Variants in FOXN1 observed in about 807,000 individuals in gnomAD.
The protein encoded by FOXN1 is forkhead box protein N1.
In FOXN1, 15 loss-of-function variants were observed where a neutral mutation model predicts 49.0. The observed-to-expected ratio is 0.31, with a 90% confidence interval of 0.20 to 0.47. FOXN1 has a LOEUF of 0.47. FOXN1 is among the 20% of genes least tolerant of loss of function. The probability of loss-of-function intolerance (pLI) is 1.00; values close to 1 mark genes in which losing one functional copy is unlikely to be tolerated. For synonymous variants in FOXN1, 356 were observed against 369.0 expected (o/e 0.96, Z 0.40); for missense variants, 800 against 842.8 (o/e 0.95, Z 0.63).
At chr17:28,506,703 G>A (rs1208759627) in intron 1 of FOXN1, among the ~76,000 whole-genome samples, 1 of 152,220 alleles carries the variant, frequency 6.6e-6, no homozygotes, top group African/African-American at 2.4e-5. Flanking sequence ...ATTCTGGTGT[G>A]TGCTGGATTT....
chr17:28,522,727 A>G (rs1045867303), intron 1 of FOXN1, among the ~76,000 whole-genome samples: 4 of 151,996 alleles, frequency 2.6e-5, no homozygotes, highest in Non-Finnish European at 5.9e-5. Context: ...AGTCCCAGCT[A>G]CTCTTGAGGC....
At chr17:28,533,250 C>T (rs892683616) in intron 6 of FOXN1, among the ~76,000 whole-genome samples, 2 of 152,148 alleles carry the variant, frequency 1.3e-5, no homozygotes, top group East Asian at 3.9e-4. Flanking sequence ...GGCGAAGGAG[C>T]CCCACCGGCC....
At position 28,524,647 on chromosome 17, in the gene FOXN1, C is replaced by T; in HGVS notation, c.268C>T (p.Pro90Ser). ...GHCPAGPGPGPFRLSPSDKYP... is the reference protein window; with the variant it reads ...GHCPAGPGPGSFRLSPSDKYP... ...CTGCCCAGCCGGCCCCGGCCCTGGG[C>T]CCTTCAGGCTCTCACCCTCAGACAA... Residue 90 changes from proline to serine, a missense_variant, in exon 3 of 9, where the codon CCC (proline) becomes TCC (serine). This residue lies in a region of FOXN1 where 383 missense variants were observed against 357.9 expected (regional missense o/e 1.07). Coordinates refer to ENST00000579795, the MANE Select transcript of FOXN1 (RefSeq NM_001369369.1). 6.2e-7 allele frequency: 1 copy of T among 1,613,708 alleles called. No homozygotes were observed. Among genetic ancestry groups the T allele is most frequent in the Non-Finnish European group, 8.5e-7 (1 of 1,179,956 alleles).
Position 28,516,110 on chromosome 17 carries a change from AC to A in FOXN1, c.-14-7845del, listed in dbSNP as rs200427651. 1.2e-3 allele frequency among the ~76,000 whole-genome samples: 182 copies of A among 149,840 alleles called. 1 individual carries two copies. In the East Asian group the frequency reaches 0.031, roughly 26 times the overall value. On this transcript the variant is annotated intron_variant, in intron 1 of 8. Coordinates refer to ENST00000579795, the MANE Select transcript of FOXN1 (RefSeq NM_001369369.1). ...CACAGGGTACACATCTCCACAGGGT[AC>A]ACACCTCCACAGGATCCTTACATCC...
At chr17:28,516,080 ACCTCC>A (rs1183199303) in intron 1 of FOXN1, among the ~76,000 whole-genome samples, 1 of 149,092 alleles carries the variant, frequency 6.7e-6, no homozygotes, top group African/African-American at 2.5e-5. Context: ...CAGGATCCAT[ACCTCC>A]ACAGGGTACA....
intron 6 of FOXN1, among the ~76,000 whole-genome samples, chr17:28,533,013 C>T (rs2069951185): frequency 6.6e-6 from 1 of 152,136 alleles, no homozygotes; most frequent in African/African-American, 2.4e-5. Context: ...ACCCTGGGAG[C>T]CTTAGGGGTC....
intron 1 of FOXN1, 66 bp from the exon 2 acceptor site, chr17:28,523,890 G>A: frequency 6.4e-7 from 1 of 1,553,164 alleles, no homozygotes; most frequent in Non-Finnish European, 8.9e-7. Context: ...GGGTGGAGGT[G>A]GCGAACCTGG....
intron 1 of FOXN1, among the ~76,000 whole-genome samples, chr17:28,521,558 C>T (rs1261172827): frequency 2.0e-5 from 3 of 152,246 alleles, no homozygotes; most frequent in East Asian, 1.9e-4. Flanking sequence ...TGTGGTGTCC[C>T]GTTACGGCCA....
rs1244665404 is a variant in FOXN1, at chr17:28,524,654, G to A, written c.275G>A (p.Arg92Lys). ...CPAGPGPGPFRLSPSDKYPGF... is the reference protein window; with the variant it reads ...CPAGPGPGPFKLSPSDKYPGF... Reference sequence around the variant, plus strand: ...GCCGGCCCCGGCCCTGGGCCCTTCAGGCTCTCACCCTCAGACAAGTATCCT... The same window carrying A: ...GCCGGCCCCGGCCCTGGGCCCTTCAAGCTCTCACCCTCAGACAAGTATCCT... Residue 92 changes from arginine (R) to lysine (K), a missense_variant, in exon 3 of 9, where the codon AGG becomes AAG. Transcript: ENST00000579795. 6.2e-7 allele frequency: 1 copy of A among 1,613,584 alleles called. No homozygotes were observed. The highest frequency in any genetic ancestry group is 2.2e-5 in the East Asian group (1 of 44,892).
chr17:28,531,343 C>A (rs139860068), intron 6 of FOXN1, among the ~76,000 whole-genome samples: 2 of 152,128 alleles, frequency 1.3e-5, no homozygotes, highest in East Asian at 3.9e-4. Context: ...TGCCAGAAAG[C>A]GGGGTGTGGG....
intron 8 of FOXN1, among the ~76,000 whole-genome samples, chr17:28,536,864 G>A (rs2070076941): frequency 6.6e-6 from 1 of 151,530 alleles, no homozygotes; most frequent in South Asian, 2.1e-4. Flanking sequence ...CCTCCCCAAT[G>A]CCCACCCCCC....
chr17:28,510,010 G>A (rs1468800268), intron 1 of FOXN1, among the ~76,000 whole-genome samples: 1 of 152,148 alleles, frequency 6.6e-6, no homozygotes, highest in Non-Finnish European at 1.5e-5. Flanking sequence ...CTTGACTGGA[G>A]AGCCAGCTGT....
chr17:28,521,398 C>T (rs2069637548), intron 1 of FOXN1, among the ~76,000 whole-genome samples: 4 of 152,222 alleles, frequency 2.6e-5, no homozygotes, highest in Admixed American at 2.6e-4. Flanking sequence ...CCCCCTGCAC[C>T]ACCTCCTGAG....
chr17:28,514,773 C>T (rs1185290179), intron 1 of FOXN1, among the ~76,000 whole-genome samples: 1 of 152,242 alleles, frequency 6.6e-6, no homozygotes, highest in Middle Eastern at 3.4e-3. Context: ...CAGCAGGGAG[C>T]GTGAAGAGAG....
At chr17:28,529,258 A>G in intron 5 of FOXN1, 34 bp downstream of exon 5, 1 of 1,613,092 alleles carries the variant, frequency 6.2e-7, no homozygotes, top group Admixed American at 1.7e-5. Context: ...TGGGAGGAGG[A>G]GGGGAGTGAG....
chr17:28,513,009 T>C (rs2069424961), intron 1 of FOXN1, among the ~76,000 whole-genome samples: 1 of 152,116 alleles, frequency 6.6e-6, no homozygotes, highest in Non-Finnish European at 1.5e-5. Context: ...CTTTGAGGGG[T>C]AGCATTTCTT....
In FOXN1 at chr17:28,524,933, C is replaced by G. The variant is rs757704079; in HGVS notation, c.554C>G (p.Pro185Arg). Residue 185 changes from proline to arginine, a missense_variant, in exon 3 of 9, where the codon CCC (proline) becomes CGC (arginine). By Grantham distance (103) the Pro-to-Arg change is moderately radical. Transcript: ENST00000579795. ...FSAEAWCNGL[P>R]YPSQEHGPQV... is the part of the protein sequence containing the mutation. ...GCAGAGGCCTGGTGTAACGGGCTCC[C>G]CTACCCCAGCCAGGAGCATGGCCCC... 2 of 1,612,102 alleles carry G rather than the reference C, an allele frequency of 1.2e-6. No homozygotes were observed. The highest frequency in any genetic ancestry group is 2.7e-5 in the African/African-American group (2 of 74,908).
intron 3 of FOXN1, among the ~76,000 whole-genome samples, chr17:28,526,485 C>T (rs987242838): frequency 4.6e-5 from 7 of 152,196 alleles, no homozygotes; most frequent in East Asian, 1.9e-4. Context: ...CCGTACTCAC[C>T]GGAGAGCTCT....
At chr17:28,519,496 A>T (rs1160835913) in intron 1 of FOXN1, among the ~76,000 whole-genome samples, 1 of 152,056 alleles carries the variant, frequency 6.6e-6, no homozygotes, top group East Asian at 1.9e-4. Flanking sequence ...CATGAGAGTG[A>T]TCTGGAGGAG....
Sources: allele counts gnomAD v4.1 joint callset (sites outside exome capture counted in the v4.1 genomes callset), GRCh38; gene constraint gnomAD v4.1.1; regional missense constraint gnomAD v4.1.1; transcripts MANE v1.5; gene names NCBI Gene and HGNC (gene_info 2026-07-23, HGNC 2026-07-21).